Variants in KHDRBS3 observed in about 807,000 individuals in gnomAD.
The protein encoded by KHDRBS3 is KH domain-containing, RNA-binding, signal transduction-associated protein 3.
A neutral mutation model predicts 45.6 loss-of-function variants in KHDRBS3; 23 were observed. The observed-to-expected ratio is 0.50, with a 90% CI of 0.36 to 0.72. The LOEUF is 0.72. KHDRBS3 is among the 30% of genes least tolerant of loss of function. KHDRBS3 has a pLI of 0.00. For missense variants in KHDRBS3, 352 were observed against 424.8 expected (o/e 0.83, Z 1.51); for synonymous variants, 162 against 156.5 (o/e 1.04, Z -0.26).
At chr8:135,486,911 C>A (rs544785308) in intron 1 of KHDRBS3, among the ~76,000 whole-genome samples, 115 of 152,214 alleles carry the variant, frequency 7.6e-4, no homozygotes, top group African/African-American at 2.4e-3. Flanking sequence ...GTTTAAAAGA[C>A]CCTTGTCTTT....
At chr8:135,501,755 T>A (rs2130509219) in intron 1 of KHDRBS3, among the ~76,000 whole-genome samples, 1 of 152,292 alleles carries the variant, frequency 6.6e-6, no homozygotes, top group South Asian at 2.1e-4. Flanking sequence ...GAATTTTCTT[T>A]AATGTCTTAC....
chr8:135,542,662 T>C lies in KHDRBS3; in HGVS notation c.216T>C (p.Phe72=). ...TTGTTTATTTTTCCTAGTTCAACTT[T>C]GTGGGGAAACTTTTGGGTCCACGTG... The part of the protein sequence containing the change: ...IPVKQFPKFN[F]VGKLLGPRGN... Residue 72 remains phenylalanine, a synonymous_variant, in exon 3 of 9, where the codon TTT becomes TTC. Coordinates refer to ENST00000355849, the MANE Select transcript of KHDRBS3 (RefSeq NM_006558.3). 1.9e-6 allele frequency: 3 copies of C among 1,611,608 alleles called. No individual in the cohort carries two copies. Among genetic ancestry groups the C allele is most frequent in the Non-Finnish European group, 2.5e-6 (3 of 1,178,350 alleles).
Position 135,524,223 on chromosome 8 carries a change from C to G in KHDRBS3, c.207+2868C>G, listed in dbSNP as rs546093978. On this transcript the variant is annotated intron_variant, in intron 2 of 8. Coordinates refer to ENST00000355849, the MANE Select transcript of KHDRBS3 (RefSeq NM_006558.3). ...TAGAGATGAGCCTTCTCCATGTTGA[C>G]CAGGCTGGCCTAATGTGATTTGCCC... Among the ~76,000 whole-genome samples, 16 of 152,252 alleles carry G rather than the reference C, an allele frequency of 1.1e-4. 2 individuals carry two copies. In the East Asian group the frequency reaches 2.3e-3, roughly 22 times the overall value.
intron 7 of KHDRBS3, among the ~76,000 whole-genome samples, chr8:135,632,729 G>A (rs1042617838): frequency 6.6e-6 from 1 of 151,916 alleles, no homozygotes; most frequent in Non-Finnish European, 1.5e-5. Flanking sequence ...ACACACATAA[G>A]AAATGAAAGC....
intron 7 of KHDRBS3, among the ~76,000 whole-genome samples, chr8:135,638,685 C>T (rs185960760): frequency 1.2e-4 from 18 of 152,332 alleles, no homozygotes; most frequent in African/African-American, 4.1e-4. Context: ...CGCCGTGGCT[C>T]ACGCCTGTAA....
At chr8:135,519,196 C>A (rs1399267453) in intron 1 of KHDRBS3, among the ~76,000 whole-genome samples, 1 of 152,162 alleles carries the variant, frequency 6.6e-6, no homozygotes, top group Non-Finnish European at 1.5e-5. Flanking sequence ...ACCCTGCTTC[C>A]TTCCGTCTCC....
At chr8:135,586,038 C>T in intron 6 of KHDRBS3, among the ~76,000 whole-genome samples, 1 of 152,100 alleles carries the variant, frequency 6.6e-6, no homozygotes, top group Non-Finnish European at 1.5e-5. Flanking sequence ...TTGTTAGCTC[C>T]TGAAGGAAAC....
intron 6 of KHDRBS3, among the ~76,000 whole-genome samples, chr8:135,596,995 C>A (rs939572702): frequency 6.6e-6 from 1 of 152,114 alleles, no homozygotes; most frequent in South Asian, 2.1e-4. Context: ...TTACTCTATT[C>A]CTGCTGCTAT....
At chr8:135,486,898 C>A (rs1266104957) in intron 1 of KHDRBS3, among the ~76,000 whole-genome samples, 1 of 152,080 alleles carries the variant, frequency 6.6e-6, no homozygotes, top group Non-Finnish European at 1.5e-5. Context: ...ATGAAAGATA[C>A]GTGTTTAAAA....
At chr8:135,650,045 A>G (rs1055735498), downstream of KHDRBS3, among the ~76,000 whole-genome samples, 1 of 151,974 alleles carries the variant, frequency 6.6e-6, no homozygotes, top group Non-Finnish European at 1.5e-5. Context: ...AGCACATTTC[A>G]TTGTTCCCAA....
intron 7 of KHDRBS3, among the ~76,000 whole-genome samples, chr8:135,636,462 A>G (rs1830817978): frequency 6.6e-6 from 1 of 152,252 alleles, no homozygotes; most frequent in Admixed American, 6.5e-5. Context: ...AAAGGTCAGT[A>G]TAGTGAGAAA....
intron 3 of KHDRBS3, among the ~76,000 whole-genome samples, chr8:135,543,967 G>T (rs537946394): frequency 6.6e-6 from 1 of 152,114 alleles, no homozygotes; most frequent in Admixed American, 6.5e-5. Context: ...GCATGGCCTG[G>T]TTTTTTTAAT....
intron 6 of KHDRBS3, among the ~76,000 whole-genome samples, chr8:135,584,375 G>C (rs533765082): frequency 1.9e-4 from 29 of 152,310 alleles, no homozygotes. Flanking sequence ...TGCTTTGGGT[G>C]GTATAGTGGG....
chr8:135,474,120 A>G (rs747161018), intron 1 of KHDRBS3, among the ~76,000 whole-genome samples: 1 of 152,128 alleles, frequency 6.6e-6, no homozygotes, highest in East Asian at 1.9e-4. Context: ...AAAGTTGTCA[A>G]TTTCTGTGTG....
chr8:135,501,213 A>G, intron 1 of KHDRBS3, among the ~76,000 whole-genome samples: 1 of 152,320 alleles, frequency 6.6e-6, no homozygotes, highest in Non-Finnish European at 1.5e-5. Flanking sequence ...AACAGAAGCA[A>G]AATAGCTGAA....
At chr8:135,560,856 C>T (rs1259194481) in intron 5 of KHDRBS3, among the ~76,000 whole-genome samples, 19 of 152,132 alleles carry the variant, frequency 1.2e-4, no homozygotes, top group Non-Finnish European at 4.4e-5. Flanking sequence ...CCTTTATTTG[C>T]GTACTTACGG....
intron 6 of KHDRBS3, among the ~76,000 whole-genome samples, chr8:135,601,093 T>C (rs1464213563): frequency 6.6e-6 from 1 of 152,192 alleles, no homozygotes; most frequent in Non-Finnish European, 1.5e-5. Flanking sequence ...GCTCTGGAGA[T>C]ACATGAACCA....
rs183674310 is a variant in KHDRBS3 at position 135,556,197 on chromosome 8, C to T, written c.472-1251C>T. Among the ~76,000 whole-genome samples, 15 of 152,276 alleles carry T rather than the reference C, an allele frequency of 9.9e-5. No individual in the cohort carries two copies. The East Asian group carries it at 2.9e-3, about 29-fold the overall frequency. Reference sequence around the variant, plus strand: ...TGTGAATAGTGCTGCAGTAAACATACATGTGCATGTGTCTTTATCCTAGAA... The same window carrying T: ...TGTGAATAGTGCTGCAGTAAACATATATGTGCATGTGTCTTTATCCTAGAA... On this transcript the variant is annotated intron_variant, in intron 4 of 8. Coordinates refer to ENST00000355849, the MANE Select transcript of KHDRBS3 (RefSeq NM_006558.3).
chr8:135,503,981 T>C (rs1169109738), intron 1 of KHDRBS3, among the ~76,000 whole-genome samples: 1 of 152,210 alleles, frequency 6.6e-6, no homozygotes, highest in Non-Finnish European at 1.5e-5. Flanking sequence ...ATGTGTGGTT[T>C]CCAGAAATGA....
Sources: allele counts gnomAD v4.1 joint callset (sites outside exome capture counted in the v4.1 genomes callset), GRCh38; gene constraint gnomAD v4.1.1; transcripts MANE v1.5; gene names NCBI Gene and HGNC (gene_info 2026-07-23, HGNC 2026-07-21).